TAF1: variants seen among roughly 807,000 people sequenced by gnomAD.
TAF1 encodes the protein TATA-box binding protein associated factor 1, also known as transcription initiation factor TFIID subunit 1.
Under a neutral mutation model 138.5 loss-of-function variants are expected in TAF1, and 2 were observed. That is an observed-to-expected ratio of 0.01 (90% CI 0.01 to 0.05). TAF1 has a LOEUF of 0.05. Ranked by LOEUF, TAF1 falls within the 10% of genes least tolerant of loss-of-function variation. The pLI, the probability that TAF1 is intolerant of heterozygous loss-of-function variation, is 1.00. For missense variants in TAF1, 709 were observed against 1,478.0 expected (o/e 0.48, Z 8.53); for synonymous variants, 437 against 503.2 (o/e 0.87, Z 1.76).
At chrX:71,417,952 A>G (rs985491614) in intron 28 of TAF1, among the ~76,000 whole-genome samples, 1 of 112,095 alleles carries the variant, frequency 8.9e-6, no homozygotes, top group Non-Finnish European at 1.9e-5. Context: ...AGTCAGTTCA[A>G]CACTTTGTTA....
chrX:71,373,038 T>A (rs1202058949), intron 3 of TAF1, among the ~76,000 whole-genome samples: 1 of 110,038 alleles, frequency 9.1e-6, no homozygotes. Flanking sequence ...GGCTAATTTT[T>A]TGTATTTTTA....
At chrX:71,411,094 T>C (rs1255329000) in intron 28 of TAF1, among the ~76,000 whole-genome samples, 2 of 110,696 alleles carry the variant, frequency 1.8e-5, no homozygotes, top group East Asian at 5.7e-4. Flanking sequence ...ATTTTCTCTT[T>C]TGAAGCAGTC....
downstream of TAF1, chrX:71,466,206 A>C (rs1242123588): frequency 9.0e-6 from 1 of 111,408 alleles, no homozygotes. Context: ...GGGTGAGTAC[A>C]TGGTATTCAT....
At chrX:71,483,776 CTCTCTA>C (rs1357067996) in intron 13 of TAF1, among the ~76,000 whole-genome samples, 14 of 63,607 alleles carry the variant, frequency 2.2e-4, no homozygotes, top group African/African-American at 8.4e-4. Context: ...CTCTCTCTCT[CTCTCTA>C]TATATATATA....
At chrX:71,384,885 T>A in intron 13 of TAF1, 60 bp from the exon 14 acceptor site, 1 of 880,903 alleles carries the variant, frequency 1.1e-6, no homozygotes, top group Non-Finnish European at 1.6e-6. Context: ...AGTGCTATGG[T>A]CATATTGTGT....
chrX:71,500,390 G>A (rs1391623252), intron 13 of TAF1, among the ~76,000 whole-genome samples: 1 of 111,382 alleles, frequency 9.0e-6, no homozygotes, highest in African/African-American at 3.3e-5. Flanking sequence ...AAAAAAATAA[G>A]CCACTTCTTT....
rs1316033471 is a variant in TAF1, at chrX:71,388,218, C to G, written c.2428-19C>G. ...ATCCTTTTCTTTGCCAAATAAAATA[C>G]ACTTGGTTTGTTGGGCAGGTTTTTA... On this transcript the variant is annotated intron_variant, in intron 15 of 37. Coordinates refer to ENST00000423759, the MANE Select transcript of TAF1 (RefSeq NM_004606.5). The G allele has an allele frequency of 8.3e-7, 1 of 1,207,304 alleles. No individual in the cohort carries two copies. Among genetic ancestry groups the G allele is most frequent in the African/African-American group, 1.8e-5 (1 of 57,084 alleles).
Position 71,459,499 on chromosome X carries a change from G to T in TAF1, c.5065-53G>T. 3 of 1,190,512 alleles carry T rather than the reference G, an allele frequency of 2.5e-6. No individual in the cohort carries two copies. In the South Asian group the frequency reaches 5.6e-5, roughly 22 times the overall value. On this transcript the variant is annotated intron_variant, in intron 35 of 37. Transcript: ENST00000423759. ...GGGGTGTGCCTGGTGGTGGCTTCTG[G>T]TCTCTTATGTGGTCAGTTGATAGGA...
chrX:71,491,251 A>G (rs1303267251), intron 13 of TAF1: 1 of 109,669 alleles, frequency 9.1e-6, no homozygotes, highest in Non-Finnish European at 1.9e-5. Flanking sequence ...AGAGAGCCCA[A>G]TCCAGTTAAG....
At chrX:71,501,474 G>A (rs2039505764) in intron 13 of TAF1, among the ~76,000 whole-genome samples, 1 of 111,320 alleles carries the variant, frequency 9.0e-6, no homozygotes, top group East Asian at 2.8e-4. Flanking sequence ...AGAGGCAGGA[G>A]GAAGTTTGTC....
chrX:71,384,285 AGTTAGAGATCT>A, intron 13 of TAF1, 150 bp downstream of exon 13: 1 of 626,310 alleles, frequency 1.6e-6, no homozygotes, highest in African/African-American at 2.2e-5. Context: ...ACGTAGCTGT[AGTTAGAGATCT>A]ACTGGTAATC....
chrX:71,478,458 CTGCAGTGAGCTATGAT>C (rs1425531234), intron 13 of TAF1, among the ~76,000 whole-genome samples: 2 of 110,782 alleles, frequency 1.8e-5, no homozygotes, highest in Non-Finnish European at 3.8e-5. Flanking sequence ...GAGTTCGAGG[CTGCAGTGAGCTATGAT>C]CATACCACTG....
intron 13 of TAF1, among the ~76,000 whole-genome samples, chrX:71,482,238 A>G (rs1208855566): frequency 8.9e-6 from 1 of 112,406 alleles, no homozygotes; most frequent in Non-Finnish European, 1.9e-5. Context: ...TCTCATGGCC[A>G]ATACTGGACA....
At chrX:71,410,081 C>G (rs1300507909) in intron 28 of TAF1, among the ~76,000 whole-genome samples, 1 of 109,049 alleles carries the variant, frequency 9.2e-6, no homozygotes, top group Non-Finnish European at 1.9e-5. Context: ...TCAGTAGAGA[C>G]GGGATTTCTC....
chrX:71,518,028 A>T (rs1225409609), intron 13 of TAF1, among the ~76,000 whole-genome samples: 2 of 110,440 alleles, frequency 1.8e-5, no homozygotes, highest in African/African-American at 6.6e-5. Flanking sequence ...AGGCAGGCAG[A>T]TTGCTTGAGC....
intron 32 of TAF1, among the ~76,000 whole-genome samples, chrX:71,438,539 A>G (rs1211884884): frequency 8.9e-6 from 1 of 111,825 alleles, no homozygotes; most frequent in Non-Finnish European, 1.9e-5. Context: ...TGCCTCGCTT[A>G]GCTTTAAGCT....
chrX:71,471,089 G>A (rs1484212230), intron 13 of TAF1, among the ~76,000 whole-genome samples: 2 of 108,323 alleles, frequency 1.8e-5, no homozygotes, highest in African/African-American at 6.7e-5. Context: ...AGGCCGAGGC[G>A]GGAGAATCAC....
chrX:71,483,150 TC>T (rs2039100904), intron 13 of TAF1, among the ~76,000 whole-genome samples: 1 of 96,167 alleles, frequency 1.0e-5, no homozygotes, highest in African/African-American at 3.8e-5. Context: ...TTTTTTCTTT[TC>T]TTTTTTTTTT....
At chrX:71,426,609 G>A (rs1201395211) in intron 32 of TAF1, among the ~76,000 whole-genome samples, 2 of 110,441 alleles carry the variant, frequency 1.8e-5, no homozygotes, top group African/African-American at 6.6e-5. Flanking sequence ...CAGCTAGTCG[G>A]GAGGCTGAGG....
Sources: gnomAD v4.1 joint callset for allele counts (sites outside exome capture counted in the v4.1 genomes callset) on GRCh38, gnomAD v4.1.1 for gene constraint, MANE v1.5 for transcripts, NCBI Gene and HGNC (gene_info 2026-07-23, HGNC 2026-07-21) for gene names.